Variants in SEC14L1 observed in about 807,000 individuals in gnomAD.
The protein encoded by SEC14L1 is SEC14-like protein 1.
A neutral mutation model predicts 85.3 loss-of-function variants in SEC14L1; 48 were observed. The ratio of observed to expected loss-of-function variants is 0.56; its 90% confidence interval spans 0.45 to 0.72. The LOEUF (loss-of-function observed/expected upper bound fraction) is 0.72, where lower values mean the gene tolerates loss of function less well. Ranked by LOEUF, SEC14L1 falls within the 30% of genes least tolerant of loss-of-function variation. The pLI is 0.00. For missense variants in SEC14L1, 682 were observed against 921.4 expected (o/e 0.74, Z 3.36); for synonymous variants, 391 against 355.5 (o/e 1.10, Z -1.12).
intron 3 of SEC14L1, among the ~76,000 whole-genome samples, chr17:77,124,997 ATTTT>A (rs201348431): frequency 0.34 from 22,976 of 67,696 alleles, 3,006 homozygotes; most frequent in African/African-American, 0.48. Flanking sequence ...TATTATTATT[ATTTT>A]TATTATTATT....
chr17:77,129,248 G>A (rs1972544317), intron 3 of SEC14L1, among the ~76,000 whole-genome samples: 1 of 152,138 alleles, frequency 6.6e-6, no homozygotes, highest in Non-Finnish European at 1.5e-5. Context: ...TAACAACCCA[G>A]TGAGATTTTC....
intron 3 of SEC14L1, among the ~76,000 whole-genome samples, chr17:77,146,903 A>AT (rs544299806): frequency 3.6e-4 from 54 of 152,030 alleles, no homozygotes; most frequent in South Asian, 3.5e-3. Flanking sequence ...TATTTGCTTA[A>AT]TTTTTTTTGT....
chr17:77,098,494 CAA>C (rs1182105002), intron 3 of SEC14L1, among the ~76,000 whole-genome samples: 7 of 129,744 alleles, frequency 5.4e-5, no homozygotes, highest in East Asian at 2.2e-4. Context: ...GAGACTGTCT[CAA>C]AAAAAAAAAA....
rs1462023729 is a variant in SEC14L1 at position 77,212,207 on chromosome 17, A to G, written c.1863+6A>G. 4 of 1,612,822 alleles carry G rather than the reference A, an allele frequency of 2.5e-6. No homozygotes were observed. The highest frequency in any genetic ancestry group is 2.5e-6 in the Non-Finnish European group (3 of 1,179,566). ...AAGAAGGAGAAAGCGTGCAGGTAAAATCACACACAGGTCAAATCGCGCATC... is the reference window on the plus strand; with the variant it reads ...AAGAAGGAGAAAGCGTGCAGGTAAAGTCACACACAGGTCAAATCGCGCATC... On this transcript the variant is annotated splice_donor_region_variant and intron_variant, in intron 15 of 16. Transcript: ENST00000436233.
At chr17:77,209,520 C>T (rs1976637925) in intron 14 of SEC14L1, 44 bp downstream of exon 14, 1 of 1,603,060 alleles carries the variant, frequency 6.2e-7, no homozygotes, top group Non-Finnish European at 8.5e-7. Context: ...CCTTCCTCCG[C>T]AGAGGGCCTG....
chr17:77,202,024 G>T (rs903294478), intron 9 of SEC14L1, among the ~76,000 whole-genome samples: 4 of 152,088 alleles, frequency 2.6e-5, no homozygotes, highest in African/African-American at 9.7e-5. Context: ...TCCTCCTGCT[G>T]CGCCTTCTGG....
intron 3 of SEC14L1, among the ~76,000 whole-genome samples, chr17:77,110,119 C>G (rs1050834375): frequency 1.3e-5 from 2 of 152,190 alleles, no homozygotes; most frequent in Non-Finnish European, 2.9e-5. Context: ...CATTGAGGAA[C>G]ATTCTTTGTC....
intron 3 of SEC14L1, among the ~76,000 whole-genome samples, chr17:77,163,720 C>A (rs1974166269): frequency 6.6e-6 from 1 of 152,220 alleles, no homozygotes; most frequent in African/African-American, 2.4e-5. Flanking sequence ...GAGCGGCTCG[C>A]AGCGGGGCCA....
intron 14 of SEC14L1, 62 bp from the exon 15 acceptor site, chr17:77,211,888 G>T: frequency 3.1e-6 from 5 of 1,589,392 alleles, no homozygotes; most frequent in Non-Finnish European, 3.4e-6. Flanking sequence ...AGCACGATGC[G>T]CTCGCAGCAT....
intron 3 of SEC14L1, chr17:77,095,052 C>T (rs1160788646): frequency 6.6e-6 from 1 of 152,158 alleles, no homozygotes; most frequent in Non-Finnish European, 1.5e-5. Flanking sequence ...CCCACAGGGG[C>T]TGGGGGTGAC....
intron 10 of SEC14L1, among the ~76,000 whole-genome samples, chr17:77,204,187 A>G (rs1337118931): frequency 6.8e-6 from 1 of 147,774 alleles, no homozygotes; most frequent in African/African-American, 2.4e-5. Flanking sequence ...TTATAGCCCC[A>G]TTATCCTGAA....
intron 3 of SEC14L1, among the ~76,000 whole-genome samples, chr17:77,170,323 G>A (rs947624185): frequency 6.6e-6 from 1 of 152,100 alleles, no homozygotes; most frequent in Non-Finnish European, 1.5e-5. Context: ...TGTGATGAGT[G>A]CAACCGTTTT....
At chr17:77,204,094 C>T (rs576886323) in intron 10 of SEC14L1, among the ~76,000 whole-genome samples, 12 of 152,318 alleles carry the variant, frequency 7.9e-5, no homozygotes, top group Admixed American at 7.2e-4. Context: ...CCACTGCTGC[C>T]GCCATTGGCA....
intron 3 of SEC14L1, among the ~76,000 whole-genome samples, chr17:77,104,412 C>T (rs563931456): frequency 5.3e-4 from 73 of 138,534 alleles, no homozygotes; most frequent in Middle Eastern, 7.6e-3. Flanking sequence ...TGAGCCACTG[C>T]GCCCGGCCTT....
intron 3 of SEC14L1, among the ~76,000 whole-genome samples, chr17:77,178,602 G>C (rs2143724806): frequency 6.6e-6 from 1 of 152,270 alleles, no homozygotes; most frequent in South Asian, 2.1e-4. Flanking sequence ...TGGGGTGAAG[G>C]GGGATGGTTT....
intron 2 of SEC14L1, among the ~76,000 whole-genome samples, chr17:77,092,922 C>G (rs1971551334): frequency 6.9e-6 from 1 of 145,008 alleles, no homozygotes; most frequent in Non-Finnish European, 1.5e-5. Context: ...CACACTCCAG[C>G]CTGGGCTAAA....
intron 15 of SEC14L1, among the ~76,000 whole-genome samples, chr17:77,212,950 T>C (rs1198008144): frequency 2.0e-5 from 3 of 152,164 alleles, no homozygotes; most frequent in Non-Finnish European, 4.4e-5. Flanking sequence ...ATTGGCAGCA[T>C]GTCAGAGAAA....
intron 3 of SEC14L1, among the ~76,000 whole-genome samples, chr17:77,120,470 T>TA (rs1398140824): frequency 1.3e-5 from 2 of 151,006 alleles, no homozygotes; most frequent in African/African-American, 4.9e-5. Context: ...TTCTGATCCT[T>TA]CTCTCCACAT....
chr17:77,164,057 T>C (rs1456937649), intron 3 of SEC14L1, among the ~76,000 whole-genome samples: 5 of 152,208 alleles, frequency 3.3e-5, no homozygotes, highest in Non-Finnish European at 7.3e-5. Flanking sequence ...CAATATCTTG[T>C]TTATTGCCCA....
Sources: gnomAD v4.1 joint callset for allele counts (sites outside exome capture counted in the v4.1 genomes callset) on GRCh38, gnomAD v4.1.1 for gene constraint, MANE v1.5 for transcripts, NCBI Gene and HGNC (gene_info 2026-07-23, HGNC 2026-07-21) for gene names.